Variants in MAP3K14 observed in about 807,000 individuals in gnomAD.
MAP3K14 encodes the protein NF-kappa-beta-inducing kinase.
MAP3K14 carries 16 observed loss-of-function variants against 99.2 expected under a neutral mutation model. The observed-to-expected ratio is 0.16, with a 90% CI of 0.11 to 0.24. The LOEUF is 0.24. Ranked by LOEUF, MAP3K14 falls within the 10% of genes least tolerant of loss-of-function variation. The probability of loss-of-function intolerance (pLI) is 1.00; values close to 1 mark genes in which losing one functional copy is unlikely to be tolerated. For synonymous variants in MAP3K14, 462 were observed against 492.4 expected (o/e 0.94, Z 0.82); for missense variants, 784 against 1,208.7 (o/e 0.65, Z 5.21).
At chr17:45,266,028 A>C (rs35397363) in intron 14 of MAP3K14, among the ~76,000 whole-genome samples, 227 of 152,364 alleles carry the variant, frequency 1.5e-3, no homozygotes, top group African/African-American at 5.3e-3. Flanking sequence ...CTTGCCCTGG[A>C]GAGGGCCAGG....
At chr17:45,302,212 C>T (rs1313095244) in intron 1 of MAP3K14, among the ~76,000 whole-genome samples, 9 of 151,808 alleles carry the variant, frequency 5.9e-5, no homozygotes, top group Non-Finnish European at 1.0e-4. Context: ...AAGCATGAGT[C>T]CTTCCCTCCA....
intron 1 of MAP3K14, 108 bp downstream of exon 1, chr17:45,316,852 C>T (rs1392644469): frequency 6.6e-6 from 1 of 151,822 alleles, no homozygotes; most frequent in African/African-American, 2.4e-5. Context: ...CCCACTGCTC[C>T]GGGGCGAGGG....
intron 6 of MAP3K14, chr17:45,281,705 C>T (rs1294402295): frequency 2.3e-5 from 3 of 132,384 alleles, no homozygotes; most frequent in Admixed American, 1.8e-4. Context: ...AGTGCTGTGG[C>T]GTGATCTTGG....
chr17:45,274,174 C>G lies in MAP3K14; in HGVS notation c.1501G>C (p.Glu501Gln). The change falls in exon 8 of 16, where the codon GAG becomes CAG. Residue 501 changes from glutamate (E) to glutamine (Q), a missense_variant. Transcript: ENST00000344686. ...RALYYLGQAL[E>Q]GLEYLHSRRI... ...CGTGAGTGGAGGTATTCCAGACCCT[C>G]CAGGGCCTGGCCCAGGTAGTACAGG... is the stretch of plus-strand genomic sequence containing the variant. The G allele has an allele frequency of 1.2e-6, 2 of 1,604,302 alleles. No homozygotes were observed. Among genetic ancestry groups the G allele is most frequent in the Non-Finnish European group, 1.7e-6 (2 of 1,175,318 alleles).
rs536711466 is a variant in MAP3K14 at position 45,275,488 on chromosome 17, AAAAAAAC to A, written c.1291-902_1291-896del. Among the ~76,000 whole-genome samples, 299 of 130,670 alleles carry A rather than the reference AAAAAAAC, an allele frequency of 2.3e-3. 1 individual carries two copies. The highest frequency in any genetic ancestry group is 3.0e-3 in the Non-Finnish European group (189 of 62,804). The allele number at this position is 130,670 out of a possible 152,430, so 85.7% of individuals were successfully genotyped here. On this transcript the variant is annotated intron_variant, in intron 6 of 15. Coordinates refer to ENST00000344686, the MANE Select transcript of MAP3K14 (RefSeq NM_003954.5). ...ACAGAGTGAGACTCCATCTCAAAAAAAAAAAACAAAAAAAAACCCACAAAAAAACAAA... is the reference window on the plus strand; with the variant it reads ...ACAGAGTGAGACTCCATCTCAAAAAAAAAAAAAAACCCACAAAAAAACAAA...
intron 1 of MAP3K14, among the ~76,000 whole-genome samples, chr17:45,306,731 A>AT (rs1481062846): frequency 3.3e-5 from 5 of 152,376 alleles, no homozygotes; most frequent in Admixed American, 6.5e-5. Flanking sequence ...AGGGCATTTT[A>AT]TAAGCTTTAA....
chr17:45,293,079 CA>C (rs2044323059), intron 1 of MAP3K14, among the ~76,000 whole-genome samples: 1 of 152,212 alleles, frequency 6.6e-6, no homozygotes, highest in South Asian at 2.1e-4. Flanking sequence ...GTGTATAGCA[CA>C]GGGGCCACAG....
At chr17:45,279,179 G>A (rs1378275964) in intron 6 of MAP3K14, among the ~76,000 whole-genome samples, 1 of 152,200 alleles carries the variant, frequency 6.6e-6, no homozygotes, top group Non-Finnish European at 1.5e-5. Flanking sequence ...GCCCGGGCTG[G>A]AGTGCAATGG....
rs1450238144 is a variant in MAP3K14, at chr17:45,314,584, A to G, written c.-21+2376T>C. On this transcript the variant is annotated intron_variant, in intron 1 of 15. Transcript: ENST00000344686. ...GTGGTAGTGACTTATTAATCACGAAAGCAGAATTTTAGTTGCATTTTAACC... is the reference window on the plus strand; with the variant it reads ...GTGGTAGTGACTTATTAATCACGAAGGCAGAATTTTAGTTGCATTTTAACC... 3.9e-5 allele frequency among the ~76,000 whole-genome samples: 6 copies of G among 152,310 alleles called. No homozygotes were observed. The South Asian group carries it at 6.2e-4, about 16-fold the overall frequency.
chr17:45,292,788 C>T (rs2044320421), intron 1 of MAP3K14, among the ~76,000 whole-genome samples: 1 of 152,222 alleles, frequency 6.6e-6, no homozygotes, highest in Admixed American at 6.5e-5. Context: ...GTCTCCAAAC[C>T]TAACAGCAGT....
At chr17:45,316,717 C>G (rs1252853578) in intron 1 of MAP3K14, among the ~76,000 whole-genome samples, 1 of 151,904 alleles carries the variant, frequency 6.6e-6, no homozygotes, top group Non-Finnish European at 1.5e-5. Flanking sequence ...GTGTGGCCAG[C>G]AGGAGTGCGC....
chr17:45,264,858 A>G (rs2044061353), intron 15 of MAP3K14, 58 bp from the exon 16 acceptor site: 2 of 1,562,782 alleles, frequency 1.3e-6, no homozygotes, highest in Non-Finnish European at 1.7e-6. Context: ...AGCCATGTAG[A>G]AAGGTAAAGA....
intron 1 of MAP3K14, among the ~76,000 whole-genome samples, chr17:45,294,431 A>G (rs1196206550): frequency 6.6e-6 from 1 of 152,220 alleles, no homozygotes; most frequent in East Asian, 1.9e-4. Flanking sequence ...TCTAGGTTCA[A>G]GGATGGATTC....
intron 6 of MAP3K14, among the ~76,000 whole-genome samples, chr17:45,279,120 CTT>C (rs1456504689): frequency 5.9e-5 from 9 of 152,326 alleles, no homozygotes; most frequent in East Asian, 1.9e-4. Context: ...GAACTTCCCT[CTT>C]GTTTTCTTTG....
chr17:45,299,746 A>C (rs2044372080), intron 1 of MAP3K14, among the ~76,000 whole-genome samples: 1 of 152,210 alleles, frequency 6.6e-6, no homozygotes. Flanking sequence ...TTAATCATTA[A>C]AATCTTACAG....
intron 1 of MAP3K14, among the ~76,000 whole-genome samples, chr17:45,315,731 G>C (rs548597175): frequency 2.0e-5 from 3 of 152,216 alleles, no homozygotes; most frequent in African/African-American, 7.2e-5. Context: ...TCCCAGCTAT[G>C]AGGCATCAGG....
chr17:45,289,293 T>C lies in MAP3K14; in HGVS notation c.269A>G (p.Gln90Arg). The change falls in exon 3 of 16, where the codon CAA becomes CGA. Residue 90 changes from glutamine to arginine, a missense_variant. Gln to Arg is a conservative substitution (Grantham distance 43). Coordinates refer to ENST00000344686, the MANE Select transcript of MAP3K14 (RefSeq NM_003954.5). ...TTCTGAAAAGGTGGGGCTGAACTCT[T>C]GGCTATTCTCACCTAAAGCAAAAGG... is the stretch of plus-strand genomic sequence containing the variant. ...IIAQAECENSQEFSPTFSERI... is the reference protein window; with the variant it reads ...IIAQAECENSREFSPTFSERI... 6.2e-7 allele frequency: 1 copy of C among 1,614,002 alleles called. No individual in the cohort carries two copies. The highest frequency in any genetic ancestry group is 8.5e-7 in the Non-Finnish European group (1 of 1,179,868).
At position 45,281,790 on chromosome 17, in the gene MAP3K14, C is replaced by A. The variant is rs1482743738; in HGVS notation, c.1290+3022G>T. ...TCCTGAGTAGCTGGGATTACAGGCA[C>A]CTGCCACCACACCCGGCTAATATTT... On this transcript the variant is annotated intron_variant, in intron 6 of 15. Coordinates refer to ENST00000344686, the MANE Select transcript of MAP3K14 (RefSeq NM_003954.5). The A allele has an allele frequency of 3.3e-5, 5 of 151,524 alleles. No homozygotes were observed. In the East Asian group the frequency reaches 9.7e-4, roughly 29 times the overall value. 9.4% of individuals were successfully genotyped at this position (151,524 alleles called of 1,614,324 possible).
chr17:45,290,243 C>T (rs762323525), intron 2 of MAP3K14, among the ~76,000 whole-genome samples: 4 of 152,190 alleles, frequency 2.6e-5, no homozygotes, highest in African/African-American at 9.7e-5. Flanking sequence ...CCCGAGTGCT[C>T]GTCTGTTACC....
Sources: allele counts gnomAD v4.1 joint callset (sites outside exome capture counted in the v4.1 genomes callset), GRCh38; gene constraint gnomAD v4.1.1; transcripts MANE v1.5; gene names NCBI Gene and HGNC (gene_info 2026-07-23, HGNC 2026-07-21).